ABI3BP: variants seen among roughly 807,000 people sequenced by gnomAD.
The protein encoded by ABI3BP is target of Nesh-SH3.
A neutral mutation model predicts 268.6 loss-of-function variants in ABI3BP; 216 were observed. That is an observed-to-expected ratio of 0.80 (90% CI 0.72 to 0.90). The LOEUF (loss-of-function observed/expected upper bound fraction) is 0.90. ABI3BP is among the 40% of genes least tolerant of loss of function. The pLI is 0.00. For synonymous variants in ABI3BP, 730 were observed against 730.0 expected (o/e 1.00, Z 0.00); for missense variants, 2,090 against 2,182.4 (o/e 0.96, Z 0.84).
At position 100,824,871 on chromosome 3, in the gene ABI3BP, A is replaced by C. The variant is rs1356229616; in HGVS notation, c.2733T>G (p.Pro911=). 1 of 1,536,012 alleles carries C rather than the reference A, an allele frequency of 6.5e-7. No individual in the cohort carries two copies. The highest frequency in any genetic ancestry group is 2.4e-5 in the East Asian group (1 of 40,898). Residue 911 remains proline (P), a synonymous_variant, in exon 36 of 68, where the codon CCT becomes CCG. Transcript: ENST00000471714. ...RPKTTPSPQA[P]ETKPVPATVL... is the part of the protein sequence containing the mutation. ...TCACAGATTTACCAGGTTTGGTCTC[A>C]GGTGCCTGAGGGCTCGGTGTAGTTT...
chr3:100,963,393 T>C (rs1029191429), intron 1 of ABI3BP, among the ~76,000 whole-genome samples: 1 of 152,210 alleles, frequency 6.6e-6, no homozygotes, highest in Non-Finnish European at 1.5e-5. Flanking sequence ...TCTGTATATT[T>C]TCACTTTCTT....
intron 52 of ABI3BP, among the ~76,000 whole-genome samples, 175 bp downstream of exon 52, chr3:100,796,234 A>G (rs1163719630): frequency 6.6e-6 from 1 of 152,098 alleles, no homozygotes; most frequent in Non-Finnish European, 1.5e-5. Context: ...CACTTCACCA[A>G]GGAAAAATAT....
At chr3:100,969,509 T>C (rs371217844) in intron 1 of ABI3BP, among the ~76,000 whole-genome samples, 226 of 152,302 alleles carry the variant, frequency 1.5e-3, no homozygotes, top group African/African-American at 4.8e-3. Context: ...GATTTTATTA[T>C]AAACTTGAAA....
At chr3:100,775,779 A>T (rs937356393) in intron 59 of ABI3BP, among the ~76,000 whole-genome samples, 21 of 152,178 alleles carry the variant, frequency 1.4e-4, no homozygotes, top group Admixed American at 1.2e-3. Context: ...GAAGGGGTAC[A>T]ATAAGAGCTG....
intron 4 of ABI3BP, among the ~76,000 whole-genome samples, chr3:100,894,979 A>C (rs1345031608): frequency 6.7e-6 from 1 of 150,008 alleles, no homozygotes; most frequent in Non-Finnish European, 1.5e-5. Context: ...AGAAAAAAAA[A>C]ACACAAGATG....
intron 1 of ABI3BP, among the ~76,000 whole-genome samples, chr3:100,961,400 G>A (rs556011832): frequency 1.1e-4 from 16 of 152,226 alleles, no homozygotes; most frequent in East Asian, 1.9e-4. Flanking sequence ...GAGGTTGACC[G>A]CAATAAACCC....
intron 2 of ABI3BP, among the ~76,000 whole-genome samples, chr3:100,917,083 A>G (rs1282520961): frequency 6.6e-6 from 1 of 152,166 alleles, no homozygotes; most frequent in Non-Finnish European, 1.5e-5. Flanking sequence ...GGATATTTTT[A>G]CTATAGGCAA....
intron 36 of ABI3BP, among the ~76,000 whole-genome samples, chr3:100,823,995 T>A (rs187157117): frequency 1.2e-4 from 18 of 152,292 alleles, no homozygotes; most frequent in African/African-American, 4.3e-4. Flanking sequence ...CAAGAACTCA[T>A]CTATACACAG....
At chr3:100,887,639 AT>A (rs1445947519) in intron 4 of ABI3BP, among the ~76,000 whole-genome samples, 1 of 152,056 alleles carries the variant, frequency 6.6e-6, no homozygotes, top group Non-Finnish European at 1.5e-5. Flanking sequence ...GGTCTTTTTT[AT>A]ATCTTAACAT....
At position 100,903,103 on chromosome 3, in the gene ABI3BP, G is replaced by A. The variant is rs185780365; in HGVS notation, c.260-417C>T. ...GCACAAGACACCGTGGGCCTCACCT[G>A]TATGAGCTAAAATCACTCCCTTTCA... On this transcript the variant is annotated intron_variant, in intron 2 of 67. Coordinates refer to ENST00000471714, the MANE Select transcript of ABI3BP (RefSeq NM_001375547.2). Among the ~76,000 whole-genome samples, 15 of 152,282 alleles carry A rather than the reference G, an allele frequency of 9.9e-5. No individual in the cohort carries two copies. The East Asian group carries it at 2.3e-3, about 24-fold the overall frequency.
intron 4 of ABI3BP, among the ~76,000 whole-genome samples, chr3:100,894,946 A>AAAAAAAAAAAAAAAAAAAAAAAC (rs2046718907): frequency 1.9e-5 from 2 of 104,486 alleles, no homozygotes; most frequent in African/African-American, 2.8e-5. Context: ...TTCAAAAAAA[A>AAAAAAAAAAAAAAAAAAAAAAAC]AAAAAAAAAA....
chr3:100,901,713 C>T (rs1313753886), intron 3 of ABI3BP, among the ~76,000 whole-genome samples: 1 of 151,376 alleles, frequency 6.6e-6, no homozygotes. Flanking sequence ...TTGCAGTGAG[C>T]TGAGATTGCA....
intron 57 of ABI3BP, among the ~76,000 whole-genome samples, chr3:100,786,583 G>A (rs771843587): frequency 7.4e-4 from 112 of 152,136 alleles, no homozygotes; most frequent in Non-Finnish European, 1.3e-3. Context: ...ACATCTAAGT[G>A]CTTTTATTTT....
intron 60 of ABI3BP, among the ~76,000 whole-genome samples, chr3:100,775,003 C>T (rs895357535): frequency 6.6e-6 from 1 of 152,138 alleles, no homozygotes; most frequent in Non-Finnish European, 1.5e-5. Flanking sequence ...TACGCAGTTT[C>T]TTCTATGTCT....
chr3:100,768,212 C>T (rs1195443865), intron 62 of ABI3BP, among the ~76,000 whole-genome samples: 6 of 151,864 alleles, frequency 4.0e-5, no homozygotes, highest in African/African-American at 1.4e-4. Context: ...CCTCAGCCTC[C>T]GGAGTAGCTG....
chr3:100,774,571 TTCAAATGTGAGATTCACAGCCAG>T lies in ABI3BP; in HGVS notation c.4531+11_4531+33del. The T allele has an allele frequency of 6.6e-7, 1 of 1,521,788 alleles. No individual in the cohort carries two copies. Among genetic ancestry groups the T allele is most frequent in the South Asian group, 1.3e-5 (1 of 78,560 alleles). The allele number at this position is 1,521,788 out of a possible 1,614,324, so 94.3% of individuals were successfully genotyped here. ...TGATACACCTACCAAAAATGGCCTT[TTCAAATGTGAGATTCACAGCCAG>T]TCATACATACCTTTGAATCTTGGCT... On this transcript the variant is annotated intron_variant, in intron 61 of 67. Coordinates refer to ENST00000471714, the MANE Select transcript of ABI3BP (RefSeq NM_001375547.2).
rs1578861586 is a variant in ABI3BP at position 100,818,462 on chromosome 3, T to A, written c.3088+63A>T. ...GATGGTCTTATGATGAAGAAGAAAC[T>A]GACTACAGTGGTATGACAATAAGCA... On this transcript the variant is annotated intron_variant, in intron 41 of 67. Transcript: ENST00000471714. The A allele has an allele frequency of 6.0e-6, 8 of 1,334,656 alleles. No individual in the cohort carries two copies. In the South Asian group the frequency reaches 8.8e-5, roughly 15 times the overall value. The allele number at this position is 1,334,656 out of a possible 1,614,324, so 82.7% of individuals were successfully genotyped here. A position where few individuals can be genotyped will look rare whatever the true frequency, so the allele number is the denominator to read the frequency against.
intron 1 of ABI3BP, among the ~76,000 whole-genome samples, chr3:100,984,412 G>A (rs945588850): frequency 8.5e-5 from 13 of 152,204 alleles, no homozygotes; most frequent in African/African-American, 3.1e-4. Context: ...GTGACCAGAA[G>A]ATGCTTGAAG....
At chr3:100,761,462 G>C (rs80263018) in intron 63 of ABI3BP, among the ~76,000 whole-genome samples, 4,675 of 152,282 alleles carry the variant, frequency 0.031, 105 homozygotes, top group Non-Finnish European at 0.043. Flanking sequence ...CTTTGGAGCT[G>C]CACCCATGTG....
Sources: allele counts gnomAD v4.1 joint callset (sites outside exome capture counted in the v4.1 genomes callset), GRCh38; gene constraint gnomAD v4.1.1; transcripts MANE v1.5; gene names NCBI Gene and HGNC (gene_info 2026-07-23, HGNC 2026-07-21).